The following DLGAP2 variants were observed in gnomAD, a reference collection of about 807,000 sequenced individuals.
The protein encoded by DLGAP2 is DLG associated protein 2.
Under a neutral mutation model 100.3 loss-of-function variants are expected in DLGAP2, and 26 were observed. The observed-to-expected ratio is 0.26, with a 90% CI of 0.19 to 0.36. The LOEUF (loss-of-function observed/expected upper bound fraction) is 0.36. Ranked by LOEUF, DLGAP2 falls within the 10% of genes least tolerant of loss-of-function variation. DLGAP2 has a pLI of 1.00. For synonymous variants in DLGAP2, 886 were observed against 630.1 expected (o/e 1.41, Z -6.08); for missense variants, 1,858 against 1,453.2 (o/e 1.28, Z -4.53).
At chr8:964,326 C>T (rs1400643474) in intron 2 of DLGAP2, among the ~76,000 whole-genome samples, 1 of 152,228 alleles carries the variant, frequency 6.6e-6, no homozygotes, top group East Asian at 1.9e-4. Context: ...ATGCACGCAG[C>T]CCTGGTGGCG....
chr8:1,165,844 C>T (rs375996980), intron 2 of DLGAP2, among the ~76,000 whole-genome samples: 6 of 149,446 alleles, frequency 4.0e-5, no homozygotes, highest in East Asian at 2.0e-4. Context: ...AATTTTCCCA[C>T]GTTAGATTTA....
chr8:1,481,481 T>C (rs1274559263), intron 3 of DLGAP2, among the ~76,000 whole-genome samples: 1 of 136,344 alleles, frequency 7.3e-6, no homozygotes, highest in Admixed American at 7.5e-5. Flanking sequence ...CTTTTTTTTT[T>C]TTTTTTTTTT....
chr8:1,564,682 G>A (rs2130572416), intron 5 of DLGAP2, among the ~76,000 whole-genome samples: 1 of 152,346 alleles, frequency 6.6e-6, no homozygotes, highest in South Asian at 2.1e-4. Flanking sequence ...ACGCACGGGT[G>A]CTGAGTTCTA....
At chr8:1,128,322 G>A (rs1393714091) in intron 2 of DLGAP2, among the ~76,000 whole-genome samples, 2 of 152,146 alleles carry the variant, frequency 1.3e-5, no homozygotes, top group East Asian at 1.9e-4. Flanking sequence ...TGTTCGGTGA[G>A]GACCTGCCCC....
chr8:1,097,959 C>G (rs1422641568), intron 2 of DLGAP2, among the ~76,000 whole-genome samples: 4 of 152,240 alleles, frequency 2.6e-5, no homozygotes, highest in African/African-American at 9.6e-5. Flanking sequence ...TTGATTCTGC[C>G]TTTGACTGAG....
rs868391435 is a variant in DLGAP2, at chr8:1,172,333, C to A, written c.74-86518C>A. On this transcript the variant is annotated intron_variant, in intron 2 of 14. Transcript: ENST00000637795. ...TCCTTAACATTTTTTCCTTCATTTC[C>A]ACTTTGGTGAATCTGACCATTATGT... Among the ~76,000 whole-genome samples the A allele has an allele frequency of 5.3e-5, 8 of 151,956 alleles. 1 individual carries two copies. The highest frequency in any genetic ancestry group is 2.1e-4 in the South Asian group (1 of 4,800).
intron 3 of DLGAP2, among the ~76,000 whole-genome samples, chr8:1,489,133 C>G (rs1254031893): frequency 6.6e-6 from 1 of 152,222 alleles, no homozygotes; most frequent in Non-Finnish European, 1.5e-5. Context: ...ATATGTCCTC[C>G]TCTGTGTTAC....
intron 4 of DLGAP2, among the ~76,000 whole-genome samples, chr8:1,546,974 G>C (rs1329157550): frequency 6.6e-6 from 1 of 152,158 alleles, no homozygotes; most frequent in Admixed American, 6.5e-5. Context: ...GCCACTTCTT[G>C]CTCCTGTCTG....
At chr8:1,403,682 C>G (rs1796532155) in intron 3 of DLGAP2, among the ~76,000 whole-genome samples, 1 of 18,274 alleles carries the variant, frequency 5.5e-5, no homozygotes, top group African/African-American at 3.7e-4. Flanking sequence ...GCGCTCCCTC[C>G]TTGTCCTCCA....
intron 2 of DLGAP2, among the ~76,000 whole-genome samples, chr8:944,345 G>T (rs1339731026): frequency 3.9e-5 from 6 of 152,082 alleles, no homozygotes; most frequent in Non-Finnish European, 8.8e-5. Context: ...TCCAGTGGGT[G>T]ATAACTAATC....
intron 1 of DLGAP2, among the ~76,000 whole-genome samples, chr8:755,959 G>A (rs1820908694): frequency 6.6e-6 from 1 of 152,212 alleles, no homozygotes; most frequent in Non-Finnish European, 1.5e-5. Flanking sequence ...GGGGATCCAG[G>A]GTCATCCTAG....
intron 2 of DLGAP2, among the ~76,000 whole-genome samples, chr8:1,042,400 G>C (rs1802379367): frequency 6.6e-6 from 1 of 152,212 alleles, no homozygotes; most frequent in Admixed American, 6.5e-5. Flanking sequence ...AGGTGGCTTA[G>C]GATTTAACAT....
intron 2 of DLGAP2, among the ~76,000 whole-genome samples, chr8:1,186,480 C>T (rs1039956530): frequency 6.6e-6 from 1 of 152,180 alleles, no homozygotes; most frequent in Non-Finnish European, 1.5e-5. Context: ...CCAGCGAGTA[C>T]CCATCAACAA....
intron 2 of DLGAP2, among the ~76,000 whole-genome samples, chr8:1,010,074 A>G (rs1801231096): frequency 6.6e-6 from 1 of 152,224 alleles, no homozygotes. Context: ...TCAGTGAGCT[A>G]AGGACTTACT....
intron 3 of DLGAP2, among the ~76,000 whole-genome samples, chr8:1,261,232 G>C (rs544172070): frequency 1.3e-5 from 2 of 151,060 alleles, no homozygotes; most frequent in Non-Finnish European, 2.9e-5. Context: ...TGGAAGGGCA[G>C]GTCGGCTTCC....
At chr8:1,597,574 G>C (rs1001583705) in intron 6 of DLGAP2, among the ~76,000 whole-genome samples, 1 of 152,134 alleles carries the variant, frequency 6.6e-6, no homozygotes, top group South Asian at 2.1e-4. Context: ...TCCTTGAAGA[G>C]GTCCTTCACA....
chr8:775,518 C>T (rs1166560728), intron 1 of DLGAP2, among the ~76,000 whole-genome samples: 6 of 131,660 alleles, frequency 4.6e-5, no homozygotes, highest in Non-Finnish European at 6.4e-5. Flanking sequence ...TTTTGAGATA[C>T]GTCCCATCAA....
intron 2 of DLGAP2, among the ~76,000 whole-genome samples, chr8:1,137,122 C>T (rs1003317284): frequency 1.3e-5 from 2 of 152,210 alleles, no homozygotes; most frequent in Non-Finnish European, 2.9e-5. Flanking sequence ...TGAGGCCTCT[C>T]TTCCCAGCTT....
chr8:1,440,171 A>T (rs893737969), intron 3 of DLGAP2, among the ~76,000 whole-genome samples: 4 of 152,184 alleles, frequency 2.6e-5, no homozygotes, highest in African/African-American at 9.7e-5. Context: ...GTAAGGGGAG[A>T]AAAGACCCTG....
Sources: allele counts gnomAD v4.1 joint callset (sites outside exome capture counted in the v4.1 genomes callset), GRCh38; gene constraint gnomAD v4.1.1; transcripts MANE v1.5; gene names NCBI Gene and HGNC (gene_info 2026-07-23, HGNC 2026-07-21).